SCHIP1: variants seen among roughly 807,000 people sequenced by gnomAD.
SCHIP1 encodes the protein schwannomin interacting protein 1.
In SCHIP1, 8 loss-of-function variants were observed where a neutral mutation model predicts 29.7. That is an observed-to-expected ratio of 0.27 (90% CI 0.16 to 0.49). The LOEUF (loss-of-function observed/expected upper bound fraction) is 0.49, where lower values mean the gene tolerates loss of function less well. SCHIP1 is among the 20% of genes least tolerant of loss of function. The pLI, the probability that SCHIP1 is intolerant of heterozygous loss-of-function variation, is 0.99. For missense variants in SCHIP1, 193 were observed against 294.6 expected (o/e 0.66, Z 2.52); for synonymous variants, 76 against 94.9 (o/e 0.80, Z 1.16).
the SCHIP1 span, among the ~76,000 whole-genome samples, chr3:159,287,591 C>T: frequency 2.0e-5 from 3 of 152,206 alleles, no homozygotes; most frequent in African/African-American, 4.8e-5. Flanking sequence ...ATTATAATAG[C>T]TAAAATTTAT....
the SCHIP1 span, among the ~76,000 whole-genome samples, chr3:159,829,180 T>G: frequency 6.6e-6 from 1 of 152,222 alleles, no homozygotes; most frequent in African/African-American, 2.4e-5. Flanking sequence ...ATAATAGGAT[T>G]GTGTCCAATA....
At chr3:159,850,999 C>T (rs553956156) in intron 1 of SCHIP1, among the ~76,000 whole-genome samples, 38 of 152,250 alleles carry the variant, frequency 2.5e-4, no homozygotes, top group South Asian at 2.1e-3. Context: ...CTTGGATGGG[C>T]GTGGTGCTTC....
the SCHIP1 span, among the ~76,000 whole-genome samples, chr3:159,813,221 T>C: frequency 6.6e-6 from 1 of 152,218 alleles, no homozygotes. Context: ...GCTCTAGTTT[T>C]TTTTTACTTT....
the SCHIP1 span, among the ~76,000 whole-genome samples, chr3:159,817,305 G>A: frequency 2.6e-5 from 4 of 152,254 alleles, no homozygotes; most frequent in Admixed American, 6.5e-5. Flanking sequence ...GCAATGGGGT[G>A]GGGTGGCGGG....
chr3:159,494,603 C>T, the SCHIP1 span, among the ~76,000 whole-genome samples: 1 of 152,124 alleles, frequency 6.6e-6, no homozygotes, highest in African/African-American at 2.4e-5. Flanking sequence ...GAAATTGAGG[C>T]AATAATTAAT....
At chr3:159,732,863 G>T in the SCHIP1 span, among the ~76,000 whole-genome samples, 1 of 152,220 alleles carries the variant, frequency 6.6e-6, no homozygotes, top group African/African-American at 2.4e-5. Flanking sequence ...AGACTGCAGA[G>T]GAGAAAGTAC....
chr3:159,829,950 A>T, the SCHIP1 span, among the ~76,000 whole-genome samples: 1 of 152,232 alleles, frequency 6.6e-6, no homozygotes, highest in Admixed American at 6.5e-5. Flanking sequence ...TATAATCAGA[A>T]ATATGAGTAA....
chr3:159,808,155 T>C, the SCHIP1 span, among the ~76,000 whole-genome samples: 3 of 152,240 alleles, frequency 2.0e-5, no homozygotes, highest in Non-Finnish European at 4.4e-5. Context: ...TTGTTTTTAT[T>C]TTGATAAGAA....
the SCHIP1 span, among the ~76,000 whole-genome samples, chr3:159,331,273 T>G: frequency 6.6e-6 from 1 of 152,138 alleles, no homozygotes; most frequent in Non-Finnish European, 1.5e-5. Context: ...TCCAGAGGGC[T>G]GGGGAGTGGG....
chr3:159,702,454 A>G, the SCHIP1 span, among the ~76,000 whole-genome samples: 2 of 152,240 alleles, frequency 1.3e-5, no homozygotes, highest in Non-Finnish European at 2.9e-5. Flanking sequence ...TTATAACAGA[A>G]ATTTACTCAA....
chr3:159,366,516 C>T, the SCHIP1 span, among the ~76,000 whole-genome samples: 1 of 151,462 alleles, frequency 6.6e-6, no homozygotes, highest in Non-Finnish European at 1.5e-5. Flanking sequence ...CCCTACCATT[C>T]AGTTCCCTGA....
chr3:159,414,198 G>A, the SCHIP1 span, among the ~76,000 whole-genome samples: 1 of 152,154 alleles, frequency 6.6e-6, no homozygotes, highest in African/African-American at 2.4e-5. Flanking sequence ...AAGAAAATTA[G>A]CCTATTTCAG....
the SCHIP1 span, among the ~76,000 whole-genome samples, chr3:159,477,920 CTTTTTTT>C: frequency 1.0e-5 from 1 of 98,302 alleles, no homozygotes; most frequent in African/African-American, 4.0e-5. Context: ...CATTTTAAAT[CTTTTTTT>C]TTTTTTTTTT....
chr3:159,441,191 T>C, the SCHIP1 span, among the ~76,000 whole-genome samples: 4 of 152,136 alleles, frequency 2.6e-5, no homozygotes, highest in Admixed American at 6.6e-5. Flanking sequence ...ACACACATAT[T>C]TACATTCCTT....
chr3:159,510,381 C>T, the SCHIP1 span, among the ~76,000 whole-genome samples: 1 of 152,070 alleles, frequency 6.6e-6, no homozygotes, highest in African/African-American at 2.4e-5. Flanking sequence ...AATCTTTTTT[C>T]AAGGTTTTTA....
rs148688839 is a variant in SCHIP1, at chr3:159,852,756, A to G, written c.30+12542A>G. ...AGCTCCTACCAGATGAGACTTTTAC[A>G]TGAGATTTTAAGAAATGATCAGTTA... On this transcript the variant is annotated intron_variant, in intron 1 of 6. Transcript: ENST00000445224. 9.9e-4 allele frequency among the ~76,000 whole-genome samples: 151 copies of G among 152,188 alleles called. 3 individuals are homozygous for G. Among genetic ancestry groups the G allele is most frequent in the African/African-American group, 3.4e-3 (141 of 41,456 alleles).
At chr3:159,644,743 T>C in the SCHIP1 span, among the ~76,000 whole-genome samples, 1 of 152,150 alleles carries the variant, frequency 6.6e-6, no homozygotes, top group Non-Finnish European at 1.5e-5. Context: ...AGATTATCCA[T>C]TTTCCTTACT....
chr3:159,582,185 G>A, the SCHIP1 span, among the ~76,000 whole-genome samples: 2 of 151,770 alleles, frequency 1.3e-5, no homozygotes, highest in Non-Finnish European at 2.9e-5. Flanking sequence ...GTTTTGTCTT[G>A]TTTTTGAGAC....
chr3:159,791,030 G>A, the SCHIP1 span, among the ~76,000 whole-genome samples: 91 of 152,104 alleles, frequency 6.0e-4, no homozygotes, highest in African/African-American at 2.0e-3. Flanking sequence ...GAGTCTGGGC[G>A]GACCCCTCAC....
Sources: allele counts gnomAD v4.1 joint callset (sites outside exome capture counted in the v4.1 genomes callset), GRCh38; gene constraint gnomAD v4.1.1; transcripts MANE v1.5; gene names NCBI Gene and HGNC (gene_info 2026-07-23, HGNC 2026-07-21).